TTC3: variants seen among roughly 807,000 people sequenced by gnomAD.
TTC3 encodes E3 ubiquitin-protein ligase TTC3.
A neutral mutation model predicts 249.6 loss-of-function variants in TTC3; 180 were observed. The ratio of observed to expected loss-of-function variants is 0.72; its 90% CI spans 0.64 to 0.82. The LOEUF (loss-of-function observed/expected upper bound fraction) is 0.82. Among genes scored for constraint, TTC3 ranks in the 40% least tolerant of loss-of-function variants. TTC3 has a pLI of 0.00. For missense variants in TTC3, 2,061 were observed against 2,398.4 expected (o/e 0.86, Z 2.94); for synonymous variants, 717 against 805.0 (o/e 0.89, Z 1.85).
At chr21:37,154,344 C>T (rs933199616) in intron 27 of TTC3, among the ~76,000 whole-genome samples, 9 of 152,184 alleles carry the variant, frequency 5.9e-5, no homozygotes, top group Non-Finnish European at 8.8e-5. Flanking sequence ...AGATACTGGT[C>T]AGCTTCTGCC....
At position 37,115,174 on chromosome 21, in the gene TTC3, T is replaced by TATAATAATAATAATAATAATAATA. The variant is rs1246754731; in HGVS notation, c.901-6638_901-6615dup. Among the ~76,000 whole-genome samples, 304 of 144,488 alleles carry TATAATAATAATAATAATAATAATA rather than the reference T, an allele frequency of 2.1e-3. 3 individuals are homozygous for TATAATAATAATAATAATAATAATA. The highest frequency in any genetic ancestry group is 7.4e-3 in the African/African-American group (290 of 39,450). The allele number at this position is 144,488 out of a possible 152,430, so 94.8% of individuals were successfully genotyped here. A position where few individuals can be genotyped will look rare whatever the true frequency, so the allele number is the denominator to read the frequency against. On this transcript the variant is annotated intron_variant, in intron 11 of 45. Transcript: ENST00000355666. ...TGCACATGTACCCTAAAACTTAAAGTATAATAATAATAATAATAATAATAA... is the reference window on the plus strand; with the variant it reads ...TGCACATGTACCCTAAAACTTAAAGTATAATAATAATAATAATAATAATAATAATAATAATAATAATAATAATAA...
chr21:37,152,625 T>G (rs1051295646), intron 26 of TTC3, among the ~76,000 whole-genome samples: 2 of 151,954 alleles, frequency 1.3e-5, no homozygotes, highest in Non-Finnish European at 2.9e-5. Flanking sequence ...TGATCCACCC[T>G]CCTCGGCCTC....
chr21:37,182,473 T>C (rs1205059113), intron 35 of TTC3, among the ~76,000 whole-genome samples: 1 of 152,226 alleles, frequency 6.6e-6, no homozygotes, highest in African/African-American at 2.4e-5. Context: ...CCCTGTAGAT[T>C]AGAGAATCAT....
At position 37,082,926 on chromosome 21, in the gene TTC3, C is replaced by CT. The variant is rs575214738; in HGVS notation, c.-11-4320dup. 84 of 981,132 alleles carry CT rather than the reference C, an allele frequency of 8.6e-5. No individual in the cohort carries two copies. The African/African-American group carries it at 1.3e-3, about 15-fold the overall frequency. 60.8% of individuals were successfully genotyped at this position (981,132 alleles called of 1,614,324 possible). On this transcript the variant is annotated intron_variant, in intron 1 of 45. Coordinates refer to ENST00000355666, the Ensembl canonical transcript of TTC3. The stretch of plus-strand genomic sequence containing the variant: ...CATTTCCATTAAAACTAGTTTACAT[C>CT]TAAGTTAAGATTTGAGTTATCCTAA...
Position 37,174,613 on chromosome 21 carries a change from A to G in TTC3, c.4617+1869A>G, listed in dbSNP as rs139829074. On this transcript the variant is annotated intron_variant, in intron 35 of 45. Transcript: ENST00000355666. ...CTTTATACTCCAGTTACTTGATGCC[A>G]TGTTTGGATGTAGCAAATGCATACC... Among the ~76,000 whole-genome samples the G allele has an allele frequency of 3.7e-3, 557 of 152,262 alleles. 2 individuals are homozygous for G. The highest frequency in any genetic ancestry group is 0.017 in the Middle Eastern group (5 of 294).
At chr21:37,113,137 A>G (rs1490095687) in intron 11 of TTC3, among the ~76,000 whole-genome samples, 4 of 152,232 alleles carry the variant, frequency 2.6e-5, no homozygotes, top group African/African-American at 4.8e-5. Flanking sequence ...GGCACAAGAC[A>G]GGGATGCCCT....
exon 30 of TTC3, chr21:37,160,813 C>T (rs987116063): frequency 1.2e-6 from 2 of 1,612,172 alleles, no homozygotes; most frequent in Non-Finnish European, 1.7e-6. Context: ...TTAGTTCAAC[C>T]AAGGTGAAAA....
intron 1 of TTC3, chr21:37,082,593 C>T (rs2071848530): frequency 2.0e-5 from 20 of 985,290 alleles, no homozygotes; most frequent in Non-Finnish European, 2.3e-5. Context: ...GGCACCACTA[C>T]TTGTAGCACT....
intron 9 of TTC3, 105 bp downstream of exon 9, chr21:37,095,549 A>C: frequency 1.3e-6 from 1 of 775,800 alleles, no homozygotes; most frequent in South Asian, 2.2e-5. Context: ...AGTATCTTCC[A>C]ACTTGTGCAG....
intron 4 of TTC3, 57 bp from the exon 5 acceptor site, chr21:37,088,742 T>A: frequency 2.0e-6 from 3 of 1,480,914 alleles, no homozygotes; most frequent in African/African-American, 1.4e-5. Flanking sequence ...AGCATAAAGT[T>A]CAATGAATTT....
At chr21:37,103,227 A>T (rs1232613101) in intron 10 of TTC3, among the ~76,000 whole-genome samples, 2 of 152,196 alleles carry the variant, frequency 1.3e-5, no homozygotes, top group Non-Finnish European at 2.9e-5. Context: ...AGCATATTTT[A>T]TATGCAGTAA....
intron 1 of TTC3, chr21:37,083,251 G>A (rs968901086): frequency 1.3e-5 from 13 of 985,424 alleles, no homozygotes; most frequent in Non-Finnish European, 1.6e-5. Flanking sequence ...TGGCTTCTAG[G>A]TTGTGTGTTG....
intron 28 of TTC3, chr21:37,157,158 T>G: frequency 7.1e-7 from 1 of 1,401,634 alleles, no homozygotes; most frequent in Non-Finnish European, 9.5e-7. Flanking sequence ...CTTCCCGTCT[T>G]AGATATTTTC....
chr21:37,110,647 G>A (rs1022151703), intron 11 of TTC3, among the ~76,000 whole-genome samples: 4 of 152,168 alleles, frequency 2.6e-5, no homozygotes, highest in African/African-American at 9.7e-5. Context: ...TATTATCCAG[G>A]AGAACTTCCC....
At chr21:37,158,297 A>G (rs1430212762) in intron 28 of TTC3, 3 of 739,052 alleles carry the variant, frequency 4.1e-6, no homozygotes, top group Non-Finnish European at 5.0e-6. Flanking sequence ...ATTCCCTCTC[A>G]GCATACACTC....
At chr21:37,079,821 AC>A (rs1241914379) in intron 1 of TTC3, among the ~76,000 whole-genome samples, 3 of 152,008 alleles carry the variant, frequency 2.0e-5, no homozygotes, top group African/African-American at 4.8e-5. Flanking sequence ...GGTGTGAGCC[AC>A]CGCTCGTGGT....
intron 31 of TTC3, among the ~76,000 whole-genome samples, chr21:37,163,132 A>C (rs924983263): frequency 6.6e-6 from 1 of 152,220 alleles, no homozygotes; most frequent in Non-Finnish European, 1.5e-5. Context: ...GGGGGTTTAC[A>C]TACATAAACT....
At chr21:37,099,379 C>T (rs914538631) in intron 10 of TTC3, among the ~76,000 whole-genome samples, 2 of 152,098 alleles carry the variant, frequency 1.3e-5, no homozygotes, top group African/African-American at 4.8e-5. Context: ...ATAGGGAGGC[C>T]AAGCAAAGTG....
chr21:37,159,579 A>G lies in TTC3; in HGVS notation c.2993-120A>G, dbSNP rs999820369. 3 of 1,147,486 alleles carry G rather than the reference A, an allele frequency of 2.6e-6. No individual in the cohort carries two copies. In the African/African-American group the frequency reaches 4.8e-5, roughly 18 times the overall value. The allele number at this position is 1,147,486 out of a possible 1,614,324, so 71.1% of individuals were successfully genotyped here. Reference sequence around the variant, plus strand: ...TCTAAACTACACTTGTGTCAAAGCCAAATAAGGAATAGAACATGGCCTATG... The same window carrying G: ...TCTAAACTACACTTGTGTCAAAGCCGAATAAGGAATAGAACATGGCCTATG... On this transcript the variant is annotated intron_variant, in intron 28 of 45. Transcript: ENST00000355666.
Sources: gnomAD v4.1 joint callset for allele counts (sites outside exome capture counted in the v4.1 genomes callset) on GRCh38, gnomAD v4.1.1 for gene constraint, MANE v1.5 for transcripts, NCBI Gene and HGNC (gene_info 2026-07-23, HGNC 2026-07-21) for gene names.